PLPPR5: variants seen among roughly 807,000 people sequenced by gnomAD.
The protein encoded by PLPPR5 is phospholipid phosphatase related 5.
In PLPPR5, 16 loss-of-function variants were observed where a neutral mutation model predicts 33.9. The observed-to-expected ratio is 0.47, with a 90% CI of 0.32 to 0.72. The LOEUF is 0.72. PLPPR5 is among the 30% of genes least tolerant of loss of function. The probability of loss-of-function intolerance (pLI) is 0.03; values close to 1 mark genes in which losing one functional copy is unlikely to be tolerated. For synonymous variants in PLPPR5, 163 were observed against 150.3 expected (o/e 1.08, Z -0.62); for missense variants, 301 against 406.7 (o/e 0.74, Z 2.23).
At position 98,983,211 on chromosome 1, in the gene PLPPR5, A is replaced by G. The variant is rs968595241; in HGVS notation, c.237+21224T>C. 7.5e-5 allele frequency among the ~76,000 whole-genome samples: 11 copies of G among 145,892 alleles called. 1 individual carries two copies. In the South Asian group the frequency reaches 1.1e-3, roughly 15 times the overall value. On this transcript the variant is annotated intron_variant, in intron 1 of 5. Transcript: ENST00000263177. Reference sequence around the variant, plus strand: ...ACTAACTCGTCATCTAGCATTAGGTATATCTCCCAATGCTATCCCTCCCCC... The same window carrying G: ...ACTAACTCGTCATCTAGCATTAGGTGTATCTCCCAATGCTATCCCTCCCCC...
intron 5 of PLPPR5, among the ~76,000 whole-genome samples, chr1:98,905,969 G>C (rs1049621126): frequency 6.6e-6 from 1 of 152,028 alleles, no homozygotes; most frequent in Non-Finnish European, 1.5e-5. Flanking sequence ...GAGTAGGATA[G>C]AGCTTGCATC....
At chr1:98,906,437 G>T (rs1198344751) in intron 5 of PLPPR5, among the ~76,000 whole-genome samples, 1 of 151,986 alleles carries the variant, frequency 6.6e-6, no homozygotes, top group African/African-American at 2.4e-5. Context: ...GGCTTCTCCT[G>T]TCTTTCCATT....
intron 3 of PLPPR5, among the ~76,000 whole-genome samples, chr1:98,935,848 C>T (rs1046152137): frequency 6.6e-6 from 1 of 152,160 alleles, no homozygotes; most frequent in Non-Finnish European, 1.5e-5. Context: ...AGCAAAGAAC[C>T]ATGCTGGAAA....
chr1:99,004,307 C>T (rs1652981749), intron 1 of PLPPR5, 128 bp downstream of exon 1: 1 of 780,782 alleles, frequency 1.3e-6, no homozygotes, highest in Admixed American at 3.0e-5. Flanking sequence ...GGGGAAGGGG[C>T]TGCCCATAAC....
intron 1 of PLPPR5, among the ~76,000 whole-genome samples, chr1:98,969,567 A>C (rs1223618800): frequency 6.6e-6 from 1 of 152,010 alleles, no homozygotes; most frequent in Admixed American, 6.6e-5. Context: ...AAAGAATGAC[A>C]TTCTTTTTCT....
At chr1:98,972,140 C>G (rs1025406211) in intron 1 of PLPPR5, among the ~76,000 whole-genome samples, 7 of 152,060 alleles carry the variant, frequency 4.6e-5, no homozygotes, top group African/African-American at 9.7e-5. Flanking sequence ...CATTTAGCAG[C>G]CTCTCTTCCC....
chr1:98,968,534 C>A (rs919346521), intron 1 of PLPPR5, among the ~76,000 whole-genome samples: 25 of 151,838 alleles, frequency 1.6e-4, no homozygotes, highest in African/African-American at 6.0e-4. Context: ...CAATGTTTCT[C>A]AAATAATATT....
intron 5 of PLPPR5, among the ~76,000 whole-genome samples, chr1:98,909,809 C>T (rs988954016): frequency 6.6e-6 from 1 of 151,582 alleles, no homozygotes; most frequent in South Asian, 2.1e-4. Flanking sequence ...GACAAGCAGT[C>T]ATAAAAAAGT....
intron 3 of PLPPR5, among the ~76,000 whole-genome samples, chr1:98,943,098 A>G (rs957681559): frequency 3.3e-5 from 5 of 152,202 alleles, no homozygotes; most frequent in African/African-American, 1.2e-4. Context: ...TATAGAACAT[A>G]GCATCCCTTA....
At chr1:98,952,699 G>T (rs2101211762) in intron 3 of PLPPR5, among the ~76,000 whole-genome samples, 1 of 152,304 alleles carries the variant, frequency 6.6e-6, no homozygotes, top group South Asian at 2.1e-4. Context: ...GGGACTATGA[G>T]AGCTTGGGTA....
At chr1:98,964,272 G>A (rs1651356066) in intron 1 of PLPPR5, among the ~76,000 whole-genome samples, 1 of 152,190 alleles carries the variant, frequency 6.6e-6, no homozygotes, top group Admixed American at 6.5e-5. Flanking sequence ...TTGAGATGAT[G>A]AACAGTGTTA....
rs1553169382 is a variant in PLPPR5, at chr1:98,953,392, T to TGTGTGTGTGTGA, written c.371-73_371-72insTCACACACACAC. ...GTGTGTGTGTGTGTGTGTGTGTGTG[T>TGTGTGTGTGTGA]GTGAATTTCAGTTTACAATAAACCA... On this transcript the variant is annotated intron_variant, in intron 2 of 5. Transcript: ENST00000263177. 1,637 of 1,476,606 alleles carry TGTGTGTGTGTGA rather than the reference T, an allele frequency of 1.1e-3. 21 individuals carry two copies. The East Asian group carries it at 0.012, about 11-fold the overall frequency. 91.5% of individuals were successfully genotyped at this position (1,476,606 alleles called of 1,614,324 possible). A position where few individuals can be genotyped will look rare whatever the true frequency, so the allele number is the denominator to read the frequency against.
rs572628474 is a variant in PLPPR5 at position 98,948,861 on chromosome 1, ATTG to A, written c.621+4206_621+4208del. 1.1e-4 allele frequency among the ~76,000 whole-genome samples: 17 copies of A among 152,302 alleles called. No individual in the cohort carries two copies. The East Asian group carries it at 2.9e-3, about 26-fold the overall frequency. On this transcript the variant is annotated intron_variant, in intron 3 of 5. Transcript: ENST00000263177. ...ACCCTACGTATCCTGACAGTAACAG[ATTG>A]TTGTTGTTTTAAGGTCTAGGGTGGT...
chr1:98,962,560 CT>C (rs1321646213), intron 1 of PLPPR5, among the ~76,000 whole-genome samples: 2 of 152,194 alleles, frequency 1.3e-5, no homozygotes, highest in Admixed American at 1.3e-4. Context: ...ATACTCAGAA[CT>C]TGCCTTTGTG....
At chr1:98,921,618 C>T (rs954214202) in intron 4 of PLPPR5, among the ~76,000 whole-genome samples, 3 of 152,070 alleles carry the variant, frequency 2.0e-5, no homozygotes, top group Non-Finnish European at 4.4e-5. Context: ...GTTTTTAGGC[C>T]AGCTCTATTT....
chr1:99,002,613 A>C (rs1652892191), intron 1 of PLPPR5, among the ~76,000 whole-genome samples: 1 of 152,152 alleles, frequency 6.6e-6, no homozygotes, highest in Non-Finnish European at 1.5e-5. Context: ...CTAAATAGTG[A>C]CTAATTCATT....
At chr1:98,980,386 T>G (rs886952624) in intron 1 of PLPPR5, among the ~76,000 whole-genome samples, 1 of 152,126 alleles carries the variant, frequency 6.6e-6, no homozygotes, top group Non-Finnish European at 1.5e-5. Context: ...ATAAAACTTA[T>G]GCAAATCCAA....
At position 98,971,467 on chromosome 1, in the gene PLPPR5, C is replaced by T. The variant is rs543854555; in HGVS notation, c.238-14726G>A. Among the ~76,000 whole-genome samples, 3 of 151,694 alleles carry T rather than the reference C, an allele frequency of 2.0e-5. No homozygotes were observed. In the South Asian group the frequency reaches 6.2e-4, roughly 31 times the overall value. On this transcript the variant is annotated intron_variant, in intron 1 of 5. Transcript: ENST00000263177. ...ACTTACTCAGTTTTTATCTGATTTCCCCTCCCTTCAAGATTCAGATTAGCA... is the reference window on the plus strand; with the variant it reads ...ACTTACTCAGTTTTTATCTGATTTCTCCTCCCTTCAAGATTCAGATTAGCA...
chr1:98,995,980 T>C (rs1652616557), intron 1 of PLPPR5, among the ~76,000 whole-genome samples: 1 of 152,040 alleles, frequency 6.6e-6, no homozygotes, highest in Non-Finnish European at 1.5e-5. Flanking sequence ...TGCTCAAGTC[T>C]AGTTATGGAA....
Sources: gnomAD v4.1 joint callset for allele counts (sites outside exome capture counted in the v4.1 genomes callset) on GRCh38, gnomAD v4.1.1 for gene constraint, MANE v1.5 for transcripts, NCBI Gene and HGNC (gene_info 2026-07-23, HGNC 2026-07-21) for gene names.